The following RIPOR2 variants were observed in gnomAD, a reference collection of about 807,000 sequenced individuals.
RIPOR2 encodes the protein rho family-interacting cell polarization regulator 2.
RIPOR2 carries 39 observed loss-of-function variants against 114.5 expected under a neutral mutation model. The observed-to-expected ratio is 0.34, with a 90% CI of 0.26 to 0.44. The LOEUF is 0.44. Ranked by LOEUF, RIPOR2 falls within the 20% of genes least tolerant of loss-of-function variation. The pLI, the probability that RIPOR2 is intolerant of heterozygous loss-of-function variation, is 1.00. For synonymous variants in RIPOR2, 445 were observed against 484.4 expected (o/e 0.92, Z 1.07); for missense variants, 1,007 against 1,255.1 (o/e 0.80, Z 2.99).
At chr6:25,004,913 G>GT in intron 1 of RIPOR2, among the ~76,000 whole-genome samples, 1 of 151,094 alleles carries the variant, frequency 6.6e-6, no homozygotes, top group Non-Finnish European at 1.5e-5. Context: ...ATTCCCCATT[G>GT]TTTTAATTCC....
At chr6:24,958,769 A>C (rs1014152472) in intron 1 of RIPOR2, among the ~76,000 whole-genome samples, 8 of 152,104 alleles carry the variant, frequency 5.3e-5, no homozygotes, top group Admixed American at 3.9e-4. Flanking sequence ...GGCTGAAACC[A>C]ATAGAAATTT....
intron 15 of RIPOR2, among the ~76,000 whole-genome samples, chr6:24,833,925 C>A (rs2113691849): frequency 6.6e-6 from 1 of 152,246 alleles, no homozygotes; most frequent in East Asian, 1.9e-4. Flanking sequence ...GATAAGAATT[C>A]TCTTATGTCT....
intron 1 of RIPOR2, among the ~76,000 whole-genome samples, chr6:24,927,982 C>T (rs1771086507): frequency 6.6e-6 from 1 of 152,196 alleles, no homozygotes; most frequent in Non-Finnish European, 1.5e-5. Context: ...TCTGGGCCTT[C>T]TCTAGAAGCT....
intron 1 of RIPOR2, among the ~76,000 whole-genome samples, chr6:25,007,149 A>G (rs1775589940): frequency 6.6e-6 from 1 of 152,242 alleles, no homozygotes. Flanking sequence ...TCTTCTTAAT[A>G]CTGCTGGAGA....
chr6:25,000,514 T>G (rs961380517), intron 1 of RIPOR2, among the ~76,000 whole-genome samples: 38 of 152,254 alleles, frequency 2.5e-4, no homozygotes, highest in Non-Finnish European at 3.8e-4. Context: ...AGGGGTTTTA[T>G]ATCTGTATTT....
intron 1 of RIPOR2, among the ~76,000 whole-genome samples, chr6:24,912,282 C>T (rs1561767332): frequency 6.6e-6 from 1 of 152,156 alleles, no homozygotes; most frequent in Non-Finnish European, 1.5e-5. Context: ...GATGGATCAC[C>T]CAGTCATTCT....
chr6:24,807,720 A>G (rs1044317796), intron 21 of RIPOR2, among the ~76,000 whole-genome samples: 8 of 152,156 alleles, frequency 5.3e-5, no homozygotes, highest in African/African-American at 1.9e-4. Flanking sequence ...GAACAATCCC[A>G]TCACCATGGA....
intron 1 of RIPOR2, among the ~76,000 whole-genome samples, chr6:24,926,193 T>G (rs1208972674): frequency 6.6e-6 from 1 of 152,220 alleles, no homozygotes; most frequent in Non-Finnish European, 1.5e-5. Context: ...TTTCTCAGAT[T>G]ACGTTTTTAA....
At chr6:24,930,216 A>C (rs897092429) in intron 1 of RIPOR2, among the ~76,000 whole-genome samples, 6 of 152,250 alleles carry the variant, frequency 3.9e-5, no homozygotes, top group African/African-American at 1.2e-4. Flanking sequence ...TTTTGGTCAC[A>C]AAAACTACAC....
intron 17 of RIPOR2, among the ~76,000 whole-genome samples, chr6:24,829,476 A>G (rs747461819): frequency 1.3e-5 from 2 of 152,076 alleles, no homozygotes; most frequent in Non-Finnish European, 2.9e-5. Flanking sequence ...AAAAGTACAA[A>G]AATTGGCCAG....
intron 1 of RIPOR2, among the ~76,000 whole-genome samples, chr6:24,946,827 T>C (rs1772442724): frequency 6.6e-6 from 1 of 152,212 alleles, no homozygotes; most frequent in Admixed American, 6.5e-5. Flanking sequence ...CCTCCAAATT[T>C]CTTGTCCTCA....
intron 20 of RIPOR2, among the ~76,000 whole-genome samples, chr6:24,810,765 T>C (rs112988756): frequency 0.032 from 4,797 of 151,990 alleles, 173 homozygotes; most frequent in African/African-American, 0.085. Context: ...GAAGGTAATT[T>C]TTTTTTTAAC....
chr6:24,975,575 C>T (rs979108063), intron 1 of RIPOR2, among the ~76,000 whole-genome samples: 2 of 152,048 alleles, frequency 1.3e-5, no homozygotes, highest in Non-Finnish European at 2.9e-5. Flanking sequence ...CCCAGCTACT[C>T]GGGAGTCTGA....
At chr6:24,949,948 G>A (rs1466282251) in intron 1 of RIPOR2, among the ~76,000 whole-genome samples, 1 of 152,230 alleles carries the variant, frequency 6.6e-6, no homozygotes, top group Non-Finnish European at 1.5e-5. Flanking sequence ...TTGTGAGTGA[G>A]TGAGGTGGAG....
At chr6:24,934,692 G>A (rs965742068) in intron 1 of RIPOR2, among the ~76,000 whole-genome samples, 2 of 152,098 alleles carry the variant, frequency 1.3e-5, no homozygotes, top group African/African-American at 4.8e-5. Context: ...TCAAATTCAC[G>A]AGATTCTTGA....
chr6:24,988,445 A>G lies in RIPOR2; in HGVS notation c.76+53406T>C, dbSNP rs542953908. On this transcript the variant is annotated intron_variant, in intron 1 of 13. Transcript: ENST00000510784. ...CTCCTTGGCCTCCCAAAGTGCTGGGATTACAGGCATGAGCCACCACGCCCA... is the reference window on the plus strand; with the variant it reads ...CTCCTTGGCCTCCCAAAGTGCTGGGGTTACAGGCATGAGCCACCACGCCCA... Among the ~76,000 whole-genome samples the G allele has an allele frequency of 3.3e-5, 5 of 152,308 alleles. No individual in the cohort carries two copies. In the South Asian group the frequency reaches 1.0e-3, roughly 32 times the overall value.
intron 1 of RIPOR2, among the ~76,000 whole-genome samples, chr6:25,011,919 G>C (rs1217219460): frequency 6.6e-6 from 1 of 152,098 alleles, no homozygotes; most frequent in African/African-American, 2.4e-5. Context: ...TATTTCAAAA[G>C]ACACTAGTAA....
At chr6:24,855,023 C>CAA (rs71310727) in intron 8 of RIPOR2, among the ~76,000 whole-genome samples, 2,712 of 53,368 alleles carry the variant, frequency 0.051, 89 homozygotes, top group African/African-American at 0.058. Flanking sequence ...AACTCCGTCT[C>CAA]AAAAAAAAAA....
At chr6:25,036,594 A>G (rs1166478620) in intron 1 of RIPOR2, among the ~76,000 whole-genome samples, 1 of 152,006 alleles carries the variant, frequency 6.6e-6, no homozygotes, top group East Asian at 1.9e-4. Flanking sequence ...GGATCTTGCT[A>G]TGTTGCCAGG....
Sources: gnomAD v4.1 joint callset for allele counts (sites outside exome capture counted in the v4.1 genomes callset) on GRCh38, gnomAD v4.1.1 for gene constraint, MANE v1.5 for transcripts, NCBI Gene and HGNC (gene_info 2026-07-23, HGNC 2026-07-21) for gene names.